The following HGS variants were observed in gnomAD, a reference collection of about 807,000 sequenced individuals.
HGS encodes hepatocyte growth factor-regulated tyrosine kinase substrate.
Under a neutral mutation model 109.7 loss-of-function variants are expected in HGS, and 63 were observed. The observed-to-expected ratio is 0.57, with a 90% CI of 0.47 to 0.71. The LOEUF is 0.71. Among genes scored for constraint, HGS ranks in the 30% least tolerant of loss-of-function variants. The pLI, the probability that HGS is intolerant of heterozygous loss-of-function variation, is 0.00. For missense variants in HGS, 995 were observed against 1,068.3 expected (o/e 0.93, Z 0.96); for synonymous variants, 546 against 437.3 (o/e 1.25, Z -3.10).
intron 18 of HGS, chr17:81,697,630 T>C (rs2037175577): frequency 6.6e-6 from 1 of 152,208 alleles, no homozygotes; most frequent in Non-Finnish European, 1.5e-5. Flanking sequence ...AGATGTCTCT[T>C]GGGGGAGGCC....
chr17:81,690,063 C>G, intron 5 of HGS, 119 bp from the exon 6 acceptor site: 2 of 1,071,146 alleles, frequency 1.9e-6, no homozygotes, highest in Non-Finnish European at 2.7e-6. Flanking sequence ...TGCCCCCAGA[C>G]ACCTTCACTT....
Position 81,695,208 on chromosome 17 carries a change from T to C in HGS, c.1164T>C (p.Gly388=), listed in dbSNP as rs749541094. Residue 388 remains glycine (G), a synonymous_variant, in exon 14 of 22, where the codon GGT becomes GGC. Transcript: ENST00000329138. ...ACTCTCAGCCCATTCCTCCCTCTGG[T>C]GGCCCCTTTAGTGAGGTAAGCTGTG... ...ETDSQPIPPS[G]GPFSEPQFHN... is the part of the protein sequence containing the mutation. The C allele has an allele frequency of 6.2e-7, 1 of 1,614,176 alleles. No individual in the cohort carries two copies.
Position 81,694,865 on chromosome 17 carries a change from C to T in HGS, c.975+12C>T. 6.2e-7 allele frequency: 1 copy of T among 1,614,226 alleles called. No homozygotes were observed. Among genetic ancestry groups the T allele is most frequent in the Non-Finnish European group, 8.5e-7 (1 of 1,180,008 alleles). On this transcript the variant is annotated intron_variant, in intron 12 of 21. Transcript: ENST00000329138. ...ACATCGACCCTGAGGTAAGGCCCAGCATGGGGTGCATCCTCTCACGGTTTC... is the reference window on the plus strand; with the variant it reads ...ACATCGACCCTGAGGTAAGGCCCAGTATGGGGTGCATCCTCTCACGGTTTC...
chr17:81,695,166 C>G lies in HGS; in HGVS notation c.1122C>G (p.Asn374Lys), dbSNP rs775823580. The change falls in exon 14 of 22, where the codon AAC (asparagine) becomes AAG (lysine). Residue 374 changes from asparagine to lysine, a missense_variant and splice_region_variant. Asn to Lys is a moderately conservative substitution (Grantham distance 94). Around this residue, in one of 6 missense-constraint regions of HGS, gnomAD observed 300 missense variants for 235.4 expected, o/e 1.27. Coordinates refer to ENST00000329138, the MANE Select transcript of HGS (RefSeq NM_004712.5). ...CCCACTCATTCTCTCTCTTCCAGAACCCCCTCCCGGAGACAGACTCTCAGC... is the reference window on the plus strand; with the variant it reads ...CCCACTCATTCTCTCTCTTCCAGAAGCCCCTCCCGGAGACAGACTCTCAGC... ...GHAAPTNVVE[N>K]PLPETDSQPI... The G allele has an allele frequency of 6.2e-7, 1 of 1,614,038 alleles. No individual in the cohort carries two copies. Among genetic ancestry groups the G allele is most frequent in the Non-Finnish European group, 8.5e-7 (1 of 1,179,990 alleles).
chr17:81,694,817 C>T lies in HGS; in HGVS notation c.939C>T (p.Asn313=), dbSNP rs201324223. The T allele has an allele frequency of 2.7e-5, 43 of 1,614,274 alleles. No homozygotes were observed. In the East Asian group the frequency reaches 7.8e-4, roughly 29 times the overall value. ...PASSLYSSPV[N]SSAPLAEDID... is the part of the protein sequence containing the mutation. Reference sequence around the variant, plus strand: ...CTCAGATGCCCTTTTCTCCCCAGAACTCGTCGGCGCCTCTGGCTGAGGACA... The same window carrying T: ...CTCAGATGCCCTTTTCTCCCCAGAATTCGTCGGCGCCTCTGGCTGAGGACA... Residue 313 remains asparagine (N), a splice_region_variant and synonymous_variant, in exon 12 of 22, where the codon AAC becomes AAT. Transcript: ENST00000329138.
chr17:81,701,194 C>A, intron 21 of HGS, 63 bp downstream of exon 21: 2 of 1,431,308 alleles, frequency 1.4e-6, no homozygotes, highest in Non-Finnish European at 2.0e-6. Context: ...CACGGTTTAG[C>A]AATGGGACCC....
chr17:81,692,763 A>C (rs1423977222), intron 8 of HGS: 1 of 152,044 alleles, frequency 6.6e-6, no homozygotes, highest in East Asian at 1.9e-4. Context: ...CGGGCAGATC[A>C]CGAGGCCAAG....
In HGS at chr17:81,693,523, C is replaced by T. The variant is rs138783005; in HGVS notation, c.683C>T (p.Thr228Ile). 1 of 1,613,216 alleles carries T rather than the reference C, an allele frequency of 6.2e-7. No individual in the cohort carries two copies. The highest frequency in any genetic ancestry group is 1.3e-5 in the African/African-American group (1 of 74,896). The change falls in exon 9 of 22, where the codon ACT becomes ATT. Residue 228 changes from threonine (T) to isoleucine (I), a missense_variant. Around this residue, in one of 6 missense-constraint regions of HGS, gnomAD observed 182 missense variants for 261.3 expected, o/e 0.70. Coordinates refer to ENST00000329138, the MANE Select transcript of HGS (RefSeq NM_004712.5). ...QLNRKAEGKA[T>I]STTELPPEYL... Reference sequence around the variant, plus strand: ...CACAGGAAAGCGGAGGGAAAGGCCACTTCCACCACTGAGCTGCCCCCCGAG... The same window carrying T: ...CACAGGAAAGCGGAGGGAAAGGCCATTTCCACCACTGAGCTGCCCCCCGAG...
In HGS at chr17:81,695,660, C is replaced by T. The variant is rs1253485958; in HGVS notation, c.1180-126C>T. On this transcript the variant is annotated intron_variant, in intron 14 of 21. Coordinates refer to ENST00000329138, the MANE Select transcript of HGS (RefSeq NM_004712.5). ...CCTTCCTCAGCTGTAGAAGGGGCTG[C>T]TTGCATAAGGAGCAGATGGACTCTG... is the stretch of plus-strand genomic sequence containing the variant. 21 of 819,274 alleles carry T rather than the reference C, an allele frequency of 2.6e-5. 1 individual carries two copies. The highest frequency in any genetic ancestry group is 2.2e-4 in the Admixed American group (10 of 45,936). The allele number at this position is 819,274 out of a possible 1,614,324, so 50.8% of individuals were successfully genotyped here. A position where few individuals can be genotyped will look rare whatever the true frequency, so the allele number is the denominator to read the frequency against.
intron 3 of HGS, among the ~76,000 whole-genome samples, 153 bp from the exon 4 acceptor site, chr17:81,686,850 C>G (rs951149522): frequency 6.8e-6 from 1 of 147,294 alleles, no homozygotes; most frequent in African/African-American, 2.6e-5. Context: ...ACGGGCCTGT[C>G]GAAGGGCTCT....
rs2037240603 is a variant in HGS, at chr17:81,701,692, TC to T, written c.*76del. 2 of 1,500,368 alleles carry T rather than the reference TC, an allele frequency of 1.3e-6. No homozygotes were observed. The highest frequency in any genetic ancestry group is 5.0e-5 in the East Asian group (2 of 40,120). The allele number at this position is 1,500,368 out of a possible 1,614,324, so 92.9% of individuals were successfully genotyped here. ...AACGCCTCGTCTCTAACTGCCGTCG[TC>T]CTGCCTCCCTGTCCTCTACTGCCGG... On this transcript the variant is annotated 3_prime_UTR_variant, in exon 22 of 22. Coordinates refer to ENST00000329138, the MANE Select transcript of HGS (RefSeq NM_004712.5).
In HGS at chr17:81,701,068, C is replaced by A. The variant is rs775244196; in HGVS notation, c.2160C>A (p.Ser720Arg). The A allele has an allele frequency of 1.2e-6, 2 of 1,614,056 alleles. No individual in the cohort carries two copies. Among genetic ancestry groups the A allele is most frequent in the Non-Finnish European group, 1.7e-6 (2 of 1,179,984 alleles). Reference sequence around the variant, plus strand: ...AGAATCTCATGACCACCCTCCCAAGCCAGGATGCGTCTCTGCCACCCCAGC... The same window carrying A: ...AGAATCTCATGACCACCCTCCCAAGACAGGATGCGTCTCTGCCACCCCAGC... ...NMQNLMTTLP[S>R]QDASLPPQQP... Residue 720 changes from serine to arginine, a missense_variant, in exon 21 of 22, where the codon AGC becomes AGA. By Grantham distance (110) the Ser-to-Arg change is moderately radical. Transcript: ENST00000329138.
intron 14 of HGS, 26 bp from the exon 15 acceptor site, chr17:81,695,760 C>G (rs976650714): frequency 6.2e-7 from 1 of 1,611,096 alleles, no homozygotes; most frequent in African/African-American, 1.3e-5. Flanking sequence ...TGGCCGCACT[C>G]ATCCAGAACC....
intron 2 of HGS, among the ~76,000 whole-genome samples, chr17:81,685,958 C>T (rs1465689620): frequency 6.6e-6 from 1 of 151,938 alleles, no homozygotes; most frequent in African/African-American, 2.4e-5. Context: ...TAAGACGGGG[C>T]CTTGCTTTGT....
intron 3 of HGS, 54 bp from the exon 4 acceptor site, chr17:81,686,949 G>A: frequency 6.9e-7 from 1 of 1,457,570 alleles, no homozygotes; most frequent in Non-Finnish European, 9.5e-7. Flanking sequence ...CCGGGAGGAG[G>A]AGGGGCCCTG....
intron 11 of HGS, 101 bp downstream of exon 11, chr17:81,694,066 G>A (rs540492609): frequency 1.8e-4 from 179 of 1,007,404 alleles, no homozygotes; most frequent in Middle Eastern, 3.2e-4. Flanking sequence ...TGGGGGATGC[G>A]GGTCCCCGGG....
chr17:81,688,427 G>A (rs975884233), intron 4 of HGS, among the ~76,000 whole-genome samples: 23 of 152,362 alleles, frequency 1.5e-4, no homozygotes, highest in African/African-American at 5.3e-4. Context: ...GGATCCTGGG[G>A]TGGGCAGGTC....
chr17:81,700,030 G>A (rs1385321823), intron 18 of HGS, among the ~76,000 whole-genome samples: 4 of 149,436 alleles, frequency 2.7e-5, no homozygotes, highest in African/African-American at 7.4e-5. Context: ...AGCTGAGATC[G>A]CGCCACTGCA....
At chr17:81,685,742 T>A in intron 2 of HGS, 53 bp downstream of exon 2, 1 of 1,419,246 alleles carries the variant, frequency 7.0e-7, no homozygotes, top group Non-Finnish European at 9.8e-7. Flanking sequence ...TGCACTAAGC[T>A]GGGCTCGCTT....
Sources: allele counts gnomAD v4.1 joint callset (sites outside exome capture counted in the v4.1 genomes callset), GRCh38; gene constraint gnomAD v4.1.1; regional missense constraint gnomAD v4.1.1; transcripts MANE v1.5; gene names NCBI Gene and HGNC (gene_info 2026-07-23, HGNC 2026-07-21).